The following NFYC variants were observed in gnomAD, a reference collection of about 807,000 sequenced individuals.
NFYC encodes the protein nuclear transcription factor Y subunit gamma, also known as CAAT box DNA-binding protein subunit C.
NFYC carries 25 observed loss-of-function variants against 53.1 expected under a neutral mutation model. That is an observed-to-expected ratio of 0.47 (90% CI 0.34 to 0.66). NFYC has a LOEUF of 0.66. Ranked by LOEUF, NFYC falls within the 30% of genes least tolerant of loss-of-function variation. The probability of loss-of-function intolerance (pLI) is 0.01; values close to 1 mark genes in which losing one functional copy is unlikely to be tolerated. For missense variants in NFYC, 260 were observed against 422.7 expected (o/e 0.62, Z 3.38); for synonymous variants, 145 against 152.6 (o/e 0.95, Z 0.37).
intron 8 of NFYC, chr1:40,768,960 T>C (rs1378278161): frequency 1.2e-5 from 2 of 168,434 alleles, no homozygotes; most frequent in Admixed American, 1.2e-4. Context: ...CTTACCACTT[T>C]GTCTGACACT....
intron 1 of NFYC, chr1:40,730,692 C>CT: frequency 1.5e-6 from 1 of 671,932 alleles, no homozygotes; most frequent in Non-Finnish European, 1.8e-6. Flanking sequence ...CCCAAAAAGC[C>CT]TAAGGGCTGC....
chr1:40,742,067 C>T (rs991775087), intron 2 of NFYC, among the ~76,000 whole-genome samples: 1 of 151,242 alleles, frequency 6.6e-6, no homozygotes, highest in Admixed American at 6.6e-5. Flanking sequence ...CCACACCTGG[C>T]TAATTAAAAA....
intron 1 of NFYC, chr1:40,723,653 A>C (rs778642619): frequency 3.3e-5 from 5 of 152,158 alleles, no homozygotes; most frequent in Non-Finnish European, 7.3e-5. Flanking sequence ...TATTATCTGA[A>C]ACTTTTTCTT....
intron 1 of NFYC, among the ~76,000 whole-genome samples, chr1:40,701,330 G>A (rs1421084661): frequency 6.6e-6 from 1 of 152,158 alleles, no homozygotes; most frequent in Non-Finnish European, 1.5e-5. Flanking sequence ...GGCCAGGCTG[G>A]TCTCAAACTC....
chr1:40,700,191 G>T (rs1297207231), intron 1 of NFYC, among the ~76,000 whole-genome samples: 1 of 152,130 alleles, frequency 6.6e-6, no homozygotes, highest in East Asian at 1.9e-4. Flanking sequence ...GATTTCAAAG[G>T]TCATCTAATC....
intron 2 of NFYC, 146 bp downstream of exon 2, chr1:40,739,094 T>C (rs947210447): frequency 3.2e-6 from 2 of 630,052 alleles, no homozygotes; most frequent in African/African-American, 3.7e-5. Context: ...GGTAGGAAAA[T>C]GAAAACATAA....
chr1:40,728,457 C>T lies in NFYC; in HGVS notation c.-8-10379C>T, dbSNP rs1026764464. Among the ~76,000 whole-genome samples the T allele has an allele frequency of 3.3e-5, 5 of 151,686 alleles. No homozygotes were observed. The East Asian group carries it at 6.0e-4, about 18-fold the overall frequency. On this transcript the variant is annotated intron_variant, in intron 1 of 9. Transcript: ENST00000447388. ...ACTAAAATTACAAAAATTAGCTGGG[C>T]GTGGTGGCGCATGCCTGCCATCCCA...
chr1:40,718,619 C>A (rs990585489), intron 1 of NFYC, among the ~76,000 whole-genome samples: 3 of 152,162 alleles, frequency 2.0e-5, no homozygotes, highest in Admixed American at 6.5e-5. Flanking sequence ...AAGTAGATAA[C>A]AATTGAGCAC....
chr1:40,709,661 T>C (rs866701310), intron 1 of NFYC: 105 of 152,326 alleles, frequency 6.9e-4, no homozygotes, highest in African/African-American at 2.3e-3. Flanking sequence ...AGAAACTGTT[T>C]AGCTTCAGAG....
intron 7 of NFYC, chr1:40,766,253 C>G (rs926972675): frequency 2.7e-5 from 6 of 223,986 alleles, no homozygotes; most frequent in Admixed American, 5.2e-5. Context: ...CTGATGATGT[C>G]AGTCAGATAA....
chr1:40,754,279 G>C, intron 5 of NFYC: 1 of 533,398 alleles, frequency 1.9e-6, no homozygotes. Context: ...CCCTGCATGA[G>C]GGCCTTTGGA....
intron 1 of NFYC, among the ~76,000 whole-genome samples, chr1:40,696,530 A>T (rs1643156806): frequency 6.6e-6 from 1 of 152,232 alleles, no homozygotes. Flanking sequence ...GCAAGGGCAG[A>T]GCCAAATCTT....
chr1:40,758,635 G>A (rs1003104637), intron 6 of NFYC, among the ~76,000 whole-genome samples: 1 of 152,206 alleles, frequency 6.6e-6, no homozygotes, highest in Non-Finnish European at 1.5e-5. Flanking sequence ...TGCTGTCTGT[G>A]TGTCTGTGTG....
chr1:40,760,885 A>G (rs1165208757), intron 6 of NFYC, among the ~76,000 whole-genome samples: 1 of 152,190 alleles, frequency 6.6e-6, no homozygotes, highest in Non-Finnish European at 1.5e-5. Context: ...CGACTGTATC[A>G]TGATGCCTAA....
intron 8 of NFYC, among the ~76,000 whole-genome samples, chr1:40,767,541 G>A (rs3767950): frequency 2.0e-5 from 3 of 152,020 alleles, no homozygotes; most frequent in South Asian, 4.1e-4. Context: ...ACCTAAGGAC[G>A]CGGCTTTTCC....
At chr1:40,738,809 G>A (rs1645189199) in intron 1 of NFYC, 27 bp from the exon 2 acceptor site, 2 of 1,503,152 alleles carry the variant, frequency 1.3e-6, no homozygotes, top group Non-Finnish European at 1.8e-6. Flanking sequence ...TGTTTCTAAT[G>A]TGTCTTATGT....
intron 1 of NFYC, among the ~76,000 whole-genome samples, chr1:40,728,684 C>CT (rs1406748374): frequency 3.9e-5 from 6 of 152,070 alleles, no homozygotes; most frequent in Non-Finnish European, 8.8e-5. Flanking sequence ...GCTACCCAGG[C>CT]TGGAGTGCAG....
intron 1 of NFYC, among the ~76,000 whole-genome samples, chr1:40,697,425 G>A (rs1159220699): frequency 1.3e-5 from 2 of 152,210 alleles, no homozygotes; most frequent in Non-Finnish European, 2.9e-5. Flanking sequence ...CCAGTGTGAG[G>A]TCAGTCTTAC....
At chr1:40,757,670 G>T (rs763397553) in intron 5 of NFYC, among the ~76,000 whole-genome samples, 6 of 152,208 alleles carry the variant, frequency 3.9e-5, no homozygotes, top group African/African-American at 7.2e-5. Flanking sequence ...CCCTTGAAGT[G>T]GTGGGGCTAA....
Sources: gnomAD v4.1 joint callset for allele counts (sites outside exome capture counted in the v4.1 genomes callset) on GRCh38, gnomAD v4.1.1 for gene constraint, MANE v1.5 for transcripts, NCBI Gene and HGNC (gene_info 2026-07-23, HGNC 2026-07-21) for gene names.